The following DDX4 variants were observed in gnomAD, a reference collection of about 807,000 sequenced individuals.
DDX4 encodes probable ATP-dependent RNA helicase DDX4.
DDX4 carries 25 observed loss-of-function variants against 100.0 expected under a neutral mutation model. That is an observed-to-expected ratio of 0.25 (90% confidence interval 0.18 to 0.35). The LOEUF is 0.35. DDX4 is among the 10% of genes least tolerant of loss of function. The pLI is 1.00. For synonymous variants in DDX4, 259 were observed against 275.7 expected (o/e 0.94, Z 0.60); for missense variants, 635 against 882.4 (o/e 0.72, Z 3.55).
chr5:55,759,380 G>T (rs560319444), intron 3 of DDX4, among the ~76,000 whole-genome samples: 1 of 151,592 alleles, frequency 6.6e-6, no homozygotes, highest in East Asian at 1.9e-4. Flanking sequence ...ATATAGAAAT[G>T]TTTTTAAAAA....
chr5:55,752,429 C>T (rs972137294), intron 3 of DDX4, among the ~76,000 whole-genome samples: 45 of 146,776 alleles, frequency 3.1e-4, no homozygotes, highest in Non-Finnish European at 5.5e-4. Flanking sequence ...TGAGAATATG[C>T]GGTGTTTGGT....
intron 18 of DDX4, among the ~76,000 whole-genome samples, chr5:55,806,594 T>C (rs162094): frequency 0.11 from 16,698 of 152,258 alleles, 1,048 homozygotes; most frequent in Middle Eastern, 0.16. Context: ...CCAGTAGTCA[T>C]TCAGGAGCAG....
chr5:55,796,823 C>CAT (rs1742980643), intron 17 of DDX4, among the ~76,000 whole-genome samples: 1 of 59,936 alleles, frequency 1.7e-5, no homozygotes, highest in South Asian at 8.9e-4. Flanking sequence ...TTCTTTCTTT[C>CAT]TTTTTTTTTT....
chr5:55,738,928 ATTT>A lies in DDX4; in HGVS notation c.-14-11_-14-9del, dbSNP rs113491933. On this transcript the variant is annotated intron_variant, in intron 1 of 21. Coordinates refer to ENST00000505374, the MANE Select transcript of DDX4 (RefSeq NM_024415.3). ...CTGATCTAATTGAGTCCAAATGTGC[ATTT>A]TTTTTTTTTTATGAATAGAACTTGA... 35 of 1,066,150 alleles carry A rather than the reference ATTT, an allele frequency of 3.3e-5. No homozygotes were observed. Among genetic ancestry groups the A allele is most frequent in the Non-Finnish European group, 4.1e-5 (30 of 726,002 alleles). 66.0% of individuals were successfully genotyped at this position (1,066,150 alleles called of 1,614,324 possible).
intron 3 of DDX4, among the ~76,000 whole-genome samples, chr5:55,752,462 C>CT (rs1759627481): frequency 1.4e-5 from 2 of 147,800 alleles, no homozygotes; most frequent in Admixed American, 7.0e-5. Context: ...AGATAGTTTA[C>CT]TGAGAATGAT....
rs199895566 is a variant in DDX4, at chr5:55,785,834, T to C, written c.827T>C (p.Val276Ala). 8.0e-5 allele frequency: 129 copies of C among 1,609,478 alleles called. No individual in the cohort carries two copies. Among genetic ancestry groups the C allele is most frequent in the Non-Finnish European group, 7.9e-5 (93 of 1,175,926 alleles). Residue 276 changes from valine to alanine, a missense_variant, in exon 13 of 22, where the codon GTG (valine) becomes GCG (alanine). By Grantham distance (64) the Val-to-Ala change is moderately conservative (BLOSUM62 0). Coordinates refer to ENST00000505374, the MANE Select transcript of DDX4 (RefSeq NM_024415.3). ...TTCGACAAATACGACACTATTCTTGTGGAAGTGTCTGGACATGATGCACCA... is the reference window on the plus strand; with the variant it reads ...TTCGACAAATACGACACTATTCTTGCGGAAGTGTCTGGACATGATGCACCA... ...INFDKYDTIL[V>A]EVSGHDAPPA...
chr5:55,768,173 GT>G, intron 7 of DDX4: 1 of 485,818 alleles, frequency 2.1e-6, no homozygotes. Flanking sequence ...GTGTAGGTTT[GT>G]TATCTAGGTA....
chr5:55,802,265 G>C (rs764152337), intron 18 of DDX4, among the ~76,000 whole-genome samples: 8 of 152,124 alleles, frequency 5.3e-5, no homozygotes, highest in Admixed American at 6.5e-5. Context: ...GGTTGGGATG[G>C]GGTGTCAGTG....
chr5:55,767,298 A>ATG (rs1370508388), intron 6 of DDX4, among the ~76,000 whole-genome samples: 2 of 152,126 alleles, frequency 1.3e-5, no homozygotes, highest in African/African-American at 4.8e-5. Flanking sequence ...AAAATTAGCC[A>ATG]GGCATGGTGG....
chr5:55,800,373 G>T (rs1743219424), intron 18 of DDX4, among the ~76,000 whole-genome samples: 1 of 150,800 alleles, frequency 6.6e-6, no homozygotes, highest in Admixed American at 6.6e-5. Context: ...ACCCAGGCTG[G>T]AGTACAGTGG....
rs745919984 is a variant in DDX4 at position 55,781,228 on chromosome 5, T to TA, written c.577+85dup. ...GGATTAGTAAACCTAATATATATGT[T>TA]AAAGTATACTAGTTTGGCTTATGAT... On this transcript the variant is annotated intron_variant, in intron 9 of 21. Coordinates refer to ENST00000505374, the MANE Select transcript of DDX4 (RefSeq NM_024415.3). 196 of 1,107,410 alleles carry TA rather than the reference T, an allele frequency of 1.8e-4. 1 individual carries two copies. The highest frequency in any genetic ancestry group is 2.3e-4 in the Non-Finnish European group (178 of 770,688). The allele number at this position is 1,107,410 out of a possible 1,614,324, so 68.6% of individuals were successfully genotyped here. A position where few individuals can be genotyped will look rare whatever the true frequency, so the allele number is the denominator to read the frequency against.
At chr5:55,767,064 A>T in intron 6 of DDX4, 1 of 1,417,420 alleles carries the variant, frequency 7.1e-7, no homozygotes, top group South Asian at 1.4e-5. Flanking sequence ...AGAAGCTAGG[A>T]TATCCCCAAA....
intron 7 of DDX4, 44 bp downstream of exon 7, chr5:55,767,984 A>G (rs537763609): frequency 6.5e-7 from 1 of 1,543,472 alleles, no homozygotes; most frequent in Non-Finnish European, 9.0e-7. Flanking sequence ...ACACAGAGAC[A>G]CTAAACTGGT....
chr5:55,766,235 T>A (rs931991664), intron 6 of DDX4, among the ~76,000 whole-genome samples: 1 of 152,086 alleles, frequency 6.6e-6, no homozygotes, highest in Non-Finnish European at 1.5e-5. Flanking sequence ...TTAAAGTAAT[T>A]TTTTATTTTG....
chr5:55,748,339 T>A (rs537765937), intron 3 of DDX4, among the ~76,000 whole-genome samples: 1 of 152,168 alleles, frequency 6.6e-6, no homozygotes, highest in Non-Finnish European at 1.5e-5. Flanking sequence ...TTTACATCGA[T>A]TGCTGTGTAA....
chr5:55,757,368 G>A (rs1016694305), intron 3 of DDX4, among the ~76,000 whole-genome samples: 1 of 152,082 alleles, frequency 6.6e-6, no homozygotes, highest in African/African-American at 2.4e-5. Flanking sequence ...CTGCTATTTG[G>A]TTTTCCATTC....
intron 7 of DDX4, among the ~76,000 whole-genome samples, chr5:55,776,206 A>G (rs1158676114): frequency 6.6e-6 from 1 of 152,252 alleles, no homozygotes; most frequent in Admixed American, 6.5e-5. Context: ...AAGATTAAAC[A>G]CAGATGAAGA....
intron 3 of DDX4, among the ~76,000 whole-genome samples, chr5:55,748,019 G>C (rs543276669): frequency 6.0e-4 from 91 of 152,352 alleles, no homozygotes; most frequent in African/African-American, 2.1e-3. Context: ...AGGATAGTTT[G>C]AGAGTCAGTT....
chr5:55,765,406 A>AT (rs1202478890), intron 6 of DDX4, among the ~76,000 whole-genome samples: 94 of 120,966 alleles, frequency 7.8e-4, no homozygotes, highest in Middle Eastern at 3.9e-3. Context: ...AAAAAAAAAA[A>AT]AAAAAAAATA....
Sources: allele counts gnomAD v4.1 joint callset (sites outside exome capture counted in the v4.1 genomes callset), GRCh38; gene constraint gnomAD v4.1.1; transcripts MANE v1.5; gene names NCBI Gene and HGNC (gene_info 2026-07-23, HGNC 2026-07-21).